FAM171A1: variants seen among roughly 807,000 people sequenced by gnomAD.
The protein encoded by FAM171A1 is family with sequence similarity 171 member A1.
Under a neutral mutation model 74.9 loss-of-function variants are expected in FAM171A1, and 23 were observed. The observed-to-expected ratio is 0.31, with a 90% CI of 0.22 to 0.44. FAM171A1 has a LOEUF of 0.44. Among genes scored for constraint, FAM171A1 ranks in the 20% least tolerant of loss-of-function variants. The probability of loss-of-function intolerance (pLI) is 1.00; values close to 1 mark genes in which losing one functional copy is unlikely to be tolerated. For missense variants in FAM171A1, 1,162 were observed against 1,159.2 expected (o/e 1.00, Z -0.03); for synonymous variants, 527 against 505.7 (o/e 1.04, Z -0.57).
intron 2 of FAM171A1, among the ~76,000 whole-genome samples, chr10:15,278,783 T>C (rs1384166932): frequency 6.6e-6 from 1 of 151,992 alleles, no homozygotes; most frequent in Non-Finnish European, 1.5e-5. Context: ...CTAATAGGTA[T>C]GGGGTTTTGG....
intron 1 of FAM171A1, among the ~76,000 whole-genome samples, chr10:15,370,382 C>A (rs1381250201): frequency 6.6e-6 from 1 of 151,902 alleles, no homozygotes; most frequent in Non-Finnish European, 1.5e-5. Context: ...AGAGAACCCC[C>A]CAAACTTTCC....
chr10:15,276,284 G>A (rs922911810), intron 2 of FAM171A1, among the ~76,000 whole-genome samples: 2 of 151,806 alleles, frequency 1.3e-5, no homozygotes, highest in Admixed American at 6.6e-5. Flanking sequence ...AGGTTCAAGC[G>A]ATTCTCCTGC....
At chr10:15,279,303 GGCCTTTCTTTGAATTC>G (rs1834936311) in intron 2 of FAM171A1, among the ~76,000 whole-genome samples, 2 of 152,048 alleles carry the variant, frequency 1.3e-5, no homozygotes, top group Admixed American at 6.5e-5. Flanking sequence ...TACTTTTTTA[GGCCTTTCTTTGAATTC>G]TAAAACACAT....
intron 1 of FAM171A1, among the ~76,000 whole-genome samples, chr10:15,315,386 G>A (rs1446257968): frequency 6.6e-6 from 1 of 152,188 alleles, no homozygotes; most frequent in Admixed American, 6.5e-5. Context: ...GGTTTGATAT[G>A]TGTAGAACAT....
At chr10:15,243,962 G>T (rs776548107) in intron 5 of FAM171A1, among the ~76,000 whole-genome samples, 8 of 152,134 alleles carry the variant, frequency 5.3e-5, no homozygotes, top group Non-Finnish European at 1.0e-4. Flanking sequence ...GTGTTAGCCA[G>T]GATGGTCTTG....
intron 1 of FAM171A1, among the ~76,000 whole-genome samples, chr10:15,323,450 T>C (rs1379284936): frequency 6.6e-6 from 1 of 152,064 alleles, no homozygotes; most frequent in African/African-American, 2.4e-5. Context: ...CAAGACTCTG[T>C]CTCAAAAATA....
rs765415718 is a variant in FAM171A1, at chr10:15,254,834, C to T, written c.464G>A (p.Arg155Lys). The T allele has an allele frequency of 1.5e-5, 25 of 1,614,066 alleles. No individual in the cohort carries two copies. The highest frequency in any genetic ancestry group is 2.0e-5 in the Non-Finnish European group (24 of 1,180,008). ...ACTGTAGCTGGTGTTCTCAGGCAAC[C>T]TCAGAGCCCTTCTCTGGAAATGAAC... Reference protein sequence around the residue: ...PRVHFQRRALRLPENTSYSDL... With the variant: ...PRVHFQRRALKLPENTSYSDL... Residue 155 changes from arginine to lysine, a missense_variant, in exon 4 of 8, where the codon AGG (arginine) becomes AAG (lysine). Transcript: ENST00000378116.
intron 3 of FAM171A1, among the ~76,000 whole-genome samples, chr10:15,264,357 A>C (rs988516998): frequency 6.6e-6 from 1 of 151,904 alleles, no homozygotes; most frequent in Non-Finnish European, 1.5e-5. Context: ...ACGCAACAAA[A>C]CTGGCCGGGC....
chr10:15,331,859 G>GTGTATA (rs60559617), intron 1 of FAM171A1, among the ~76,000 whole-genome samples: 1 of 44,952 alleles, frequency 2.2e-5, no homozygotes. Context: ...ATATATGTGT[G>GTGTATA]TATATATATG....
Position 15,370,977 on chromosome 10 carries a change from C to A in FAM171A1, c.76G>T (p.Glu26Ter). The A allele has an allele frequency of 8.4e-7, 1 of 1,185,428 alleles. No homozygotes were observed. The highest frequency in any genetic ancestry group is 3.0e-5 in the Admixed American group (1 of 33,344). 73.4% of individuals were successfully genotyped at this position (1,185,428 alleles called of 1,614,324 possible). A position where few individuals can be genotyped will look rare whatever the true frequency, so the allele number is the denominator to read the frequency against. ...VWKAVTKTLR[E>*]PGAGAQEVTL... ...TGACCTTGGGCTCCGGCGCCGGGCT[C>A]CCGCAGCGTCTTGGTCACCGCCTTC... Residue 26 changes from glutamate to a stop codon, truncating the protein, a stop_gained, in exon 1 of 8, where the codon GAG becomes TAG. Transcript: ENST00000378116. LOFTEE classifies it high-confidence loss of function.
intron 1 of FAM171A1, among the ~76,000 whole-genome samples, chr10:15,352,718 A>C (rs577655907): frequency 9.9e-5 from 15 of 152,228 alleles, no homozygotes; most frequent in Non-Finnish European, 2.1e-4. Context: ...TAAAAACACA[A>C]GTTACAGCAC....
chr10:15,368,819 G>C (rs938931654), intron 1 of FAM171A1, among the ~76,000 whole-genome samples: 2 of 152,200 alleles, frequency 1.3e-5, no homozygotes, highest in African/African-American at 4.8e-5. Context: ...TGAACATTAA[G>C]ATGCTTTGAA....
rs200943167 is a variant in FAM171A1 at position 15,271,281 on chromosome 10, A to G, written c.418+4574T>C. Reference sequence around the variant, plus strand: ...GATTCAATCAAGTAGAAGAAAGGGTATCAGCGACTGAAGATCAAATGAATG... The same window carrying G: ...GATTCAATCAAGTAGAAGAAAGGGTGTCAGCGACTGAAGATCAAATGAATG... On this transcript the variant is annotated intron_variant, in intron 3 of 7. Transcript: ENST00000378116. Among the ~76,000 whole-genome samples, 52 of 152,360 alleles carry G rather than the reference A, an allele frequency of 3.4e-4. No individual in the cohort carries two copies. In the East Asian group the frequency reaches 4.8e-3, roughly 14 times the overall value.
chr10:15,221,337 C>G (rs1834036837), intron 5 of FAM171A1, among the ~76,000 whole-genome samples: 1 of 152,172 alleles, frequency 6.6e-6, no homozygotes, highest in African/African-American at 2.4e-5. Flanking sequence ...CTTCCAAACA[C>G]AGATGATTTT....
At chr10:15,314,267 GA>G (rs368493403) in intron 1 of FAM171A1, among the ~76,000 whole-genome samples, 2 of 146,548 alleles carry the variant, frequency 1.4e-5, no homozygotes, top group Admixed American at 1.4e-4. Context: ...TAGCAAAAAA[GA>G]AAAAAAAAAG....
Position 15,235,315 on chromosome 10 carries a change from A to C in FAM171A1, c.754+13324T>G, listed in dbSNP as rs555993561. On this transcript the variant is annotated intron_variant, in intron 5 of 7. Transcript: ENST00000378116. ...AGACTCTGTCTCAAAAAAAAAAAAA[A>C]AAAAAAAAAAAAAACCTCTGATATC... 4.0e-5 allele frequency among the ~76,000 whole-genome samples: 6 copies of C among 151,382 alleles called. No individual in the cohort carries two copies. In the East Asian group the frequency reaches 5.8e-4, roughly 15 times the overall value.
Position 15,258,615 on chromosome 10 carries a change from T to C in FAM171A1, c.419-3736A>G, listed in dbSNP as rs1483547328. Among the ~76,000 whole-genome samples the C allele has an allele frequency of 2.0e-5, 3 of 152,196 alleles. No individual in the cohort carries two copies. The South Asian group carries it at 6.2e-4, about 32-fold the overall frequency. ...CACCAAGCTCCAGTGATGTGGCTTC[T>C]ACCCACAATGCATGCTGCCCTTGGA... On this transcript the variant is annotated intron_variant, in intron 3 of 7. Transcript: ENST00000378116.
At chr10:15,289,892 GGAGACCAT>G (rs1341289632) in intron 1 of FAM171A1, among the ~76,000 whole-genome samples, 5 of 152,348 alleles carry the variant, frequency 3.3e-5, no homozygotes, top group Non-Finnish European at 4.4e-5. Flanking sequence ...AAGTTGCCAC[GGAGACCAT>G]AAGGGCTGCA....
chr10:15,240,655 T>C (rs1834352309), intron 5 of FAM171A1: 2 of 951,968 alleles, frequency 2.1e-6, no homozygotes, highest in Admixed American at 6.2e-5. Flanking sequence ...TAGTTCTCTC[T>C]CCTAAGAGTA....
Sources: allele counts gnomAD v4.1 joint callset (sites outside exome capture counted in the v4.1 genomes callset), GRCh38; gene constraint gnomAD v4.1.1; transcripts MANE v1.5; gene names NCBI Gene and HGNC (gene_info 2026-07-23, HGNC 2026-07-21).